DLEC1: variants seen among roughly 807,000 people sequenced by gnomAD.
DLEC1 encodes the protein deleted in lung and esophageal cancer protein 1.
Under a neutral mutation model 198.1 loss-of-function variants are expected in DLEC1, and 146 were observed. The ratio of observed to expected loss-of-function variants is 0.74; its 90% CI spans 0.64 to 0.85. The LOEUF is 0.85. Ranked by LOEUF, DLEC1 falls within the 40% of genes least tolerant of loss-of-function variation. The probability of loss-of-function intolerance (pLI) is 0.00; values close to 1 mark genes in which losing one functional copy is unlikely to be tolerated. For missense variants in DLEC1, 2,233 were observed against 2,220.0 expected (o/e 1.01, Z -0.12); for synonymous variants, 897 against 866.8 (o/e 1.03, Z -0.61).
At chr3:38,065,592 G>C (rs1696986550) in intron 6 of DLEC1, among the ~76,000 whole-genome samples, 3 of 152,140 alleles carry the variant, frequency 2.0e-5, no homozygotes, top group Non-Finnish European at 4.4e-5. Flanking sequence ...GTATGTGCTG[G>C]AGTCATAGAA....
intron 2 of DLEC1, among the ~76,000 whole-genome samples, chr3:38,055,491 G>C (rs1012838026): frequency 6.6e-6 from 1 of 152,220 alleles, no homozygotes; most frequent in Non-Finnish European, 1.5e-5. Flanking sequence ...TTCACCATCA[G>C]CTTAGAATCA....
rs1696765841 is a variant in DLEC1, at chr3:38,062,801, G to A, written c.1094G>A (p.Ser365Asn). The change falls in exon 5 of 37, where the codon AGT (serine) becomes AAT (asparagine). Residue 365 changes from serine to asparagine, a missense_variant and splice_region_variant. Physicochemically the swap from Ser to Asn is conservative, Grantham distance 46 (BLOSUM62 1). Coordinates refer to ENST00000308059, the MANE Select transcript of DLEC1 (RefSeq NM_007335.4). ...TTCCAGAGTACAGAGCCAGAACAGAGGTATGTCTTTCTCTGGCTTGAACTC... is the reference window on the plus strand; with the variant it reads ...TTCCAGAGTACAGAGCCAGAACAGAAGTATGTCTTTCTCTGGCTTGAACTC... Reference protein sequence around the residue: ...GEFQSTEPEQSCADTPVFLAK... With the variant: ...GEFQSTEPEQNCADTPVFLAK... 1 of 1,613,104 alleles carries A rather than the reference G, an allele frequency of 6.2e-7. No homozygotes were observed. The highest frequency in any genetic ancestry group is 1.3e-5 in the African/African-American group (1 of 74,814).
chr3:38,108,561 C>G, intron 21 of DLEC1, 46 bp downstream of exon 21: 1 of 1,489,322 alleles, frequency 6.7e-7, no homozygotes, highest in Non-Finnish European at 9.3e-7. Context: ...AGGCACCCTG[C>G]CAACCATACG....
intron 2 of DLEC1, among the ~76,000 whole-genome samples, chr3:38,052,715 C>T (rs1370965719): frequency 6.6e-6 from 1 of 152,202 alleles, no homozygotes; most frequent in Non-Finnish European, 1.5e-5. Context: ...CAAAGCTCCC[C>T]TGAGATGTGT....
In DLEC1 at chr3:38,096,590, G is replaced by A. The variant is rs770844783; in HGVS notation, c.2193G>A (p.Gly731=). Residue 731 remains glycine, a synonymous_variant, in exon 15 of 37, where the codon GGG becomes GGA. Coordinates refer to ENST00000308059, the MANE Select transcript of DLEC1 (RefSeq NM_007335.4). ...EPVSSEAESL[G]HSSYSVDDVI... The stretch of plus-strand genomic sequence containing the variant: ...TTAGTTCAGAAGCGGAGAGCCTGGG[G>A]CACTCCTCCTACTCTGTGGATGATG... 10 of 1,611,856 alleles carry A rather than the reference G, an allele frequency of 6.2e-6. No individual in the cohort carries two copies. The South Asian group carries it at 9.9e-5, about 16-fold the overall frequency.
intron 5 of DLEC1, among the ~76,000 whole-genome samples, chr3:38,063,458 T>A (rs1696805819): frequency 6.6e-6 from 1 of 151,366 alleles, no homozygotes; most frequent in Non-Finnish European, 1.5e-5. Context: ...AGTGAGACCC[T>A]GTCAAAAAGA....
At chr3:38,074,280 C>T (rs995014032) in intron 6 of DLEC1, among the ~76,000 whole-genome samples, 3 of 152,238 alleles carry the variant, frequency 2.0e-5, no homozygotes, top group Admixed American at 6.5e-5. Context: ...TGCTTCCTCT[C>T]TATTATTGTA....
At chr3:38,117,501 C>A in intron 31 of DLEC1, 26 bp from the exon 32 acceptor site, 1 of 1,613,984 alleles carries the variant, frequency 6.2e-7, no homozygotes, top group Non-Finnish European at 8.5e-7. Context: ...GCCCGGCTTG[C>A]CCCAACAATG....
intron 2 of DLEC1, among the ~76,000 whole-genome samples, chr3:38,057,737 A>C (rs917747746): frequency 4.6e-5 from 7 of 151,882 alleles, no homozygotes; most frequent in Non-Finnish European, 1.0e-4. Flanking sequence ...ATTGGAGATG[A>C]TCTTTCTAGA....
chr3:38,072,993 G>A (rs1697406740), intron 6 of DLEC1, among the ~76,000 whole-genome samples: 2 of 152,170 alleles, frequency 1.3e-5, no homozygotes, highest in African/African-American at 2.4e-5. Context: ...TAAATCACGA[G>A]AAAGAGCTTG....
At chr3:38,088,614 CTG>C (rs1203304188) in intron 10 of DLEC1, among the ~76,000 whole-genome samples, 4 of 152,144 alleles carry the variant, frequency 2.6e-5, no homozygotes, top group African/African-American at 9.7e-5. Context: ...CATCACAAAC[CTG>C]AGCCTTGCTA....
Position 38,062,163 on chromosome 3 carries a change from C to T in DLEC1, c.674-6C>T. On this transcript the variant is annotated splice_region_variant and splice_polypyrimidine_tract_variant and intron_variant, in intron 3 of 36. Coordinates refer to ENST00000308059, the MANE Select transcript of DLEC1 (RefSeq NM_007335.4). ...AGTGATTCAGTTTGTTTCCTTGATG[C>T]TGTAGGCATCTCCCTACCTGGATGT... 1 of 1,614,150 alleles carries T rather than the reference C, an allele frequency of 6.2e-7. No homozygotes were observed. The highest frequency in any genetic ancestry group is 1.3e-5 in the African/African-American group (1 of 75,068).
chr3:38,095,193 C>CTGGCCTGGG, intron 13 of DLEC1, 122 bp downstream of exon 13: 1 of 1,259,614 alleles, frequency 7.9e-7, no homozygotes, highest in Non-Finnish European at 1.1e-6. Context: ...CCTGCCCAGG[C>CTGGCCTGGG]CAGCACTTGG....
chr3:38,089,263 C>T (rs978353736), intron 10 of DLEC1, among the ~76,000 whole-genome samples: 2 of 152,228 alleles, frequency 1.3e-5, no homozygotes, highest in African/African-American at 4.8e-5. Flanking sequence ...AAGGCCCTAT[C>T]CCTGAGGTTC....
At chr3:38,048,485 C>G (rs1436332621) in intron 2 of DLEC1, among the ~76,000 whole-genome samples, 1 of 152,220 alleles carries the variant, frequency 6.6e-6, no homozygotes, top group African/African-American at 2.4e-5. Flanking sequence ...CCTACTAGGG[C>G]CCAGATGCTA....
rs1267297898 is a variant in DLEC1, at chr3:38,122,713, G to C, written c.*301G>C. 1.4e-6 allele frequency: 2 copies of C among 1,381,606 alleles called. No homozygotes were observed. The highest frequency in any genetic ancestry group is 1.9e-6 in the Non-Finnish European group (2 of 1,059,326). 85.6% of individuals were successfully genotyped at this position (1,381,606 alleles called of 1,614,324 possible). On this transcript the variant is annotated 3_prime_UTR_variant, in exon 37 of 37. Coordinates refer to ENST00000308059, the MANE Select transcript of DLEC1 (RefSeq NM_007335.4). Reference sequence around the variant, plus strand: ...CTTGGAAAAAAACCACAGCCACTAAGATAAATTCATGCACTTTTACTATGC... The same window carrying C: ...CTTGGAAAAAAACCACAGCCACTAACATAAATTCATGCACTTTTACTATGC...
At chr3:38,044,127 A>T (rs909665100) in intron 1 of DLEC1, among the ~76,000 whole-genome samples, 1 of 152,094 alleles carries the variant, frequency 6.6e-6, no homozygotes, top group African/African-American at 2.4e-5. Flanking sequence ...TATGCCTGTA[A>T]TCCCAGCTAC....
chr3:38,113,585 G>C (rs1450213574), intron 25 of DLEC1, among the ~76,000 whole-genome samples: 2 of 151,978 alleles, frequency 1.3e-5, no homozygotes, highest in Non-Finnish European at 2.9e-5. Flanking sequence ...CAGCTATTCA[G>C]GAGGCTGAGG....
At chr3:38,096,078 A>G (rs1699002084) in intron 14 of DLEC1, 132 bp downstream of exon 14, 1 of 1,084,726 alleles carries the variant, frequency 9.2e-7, no homozygotes, top group Non-Finnish European at 1.3e-6. Flanking sequence ...GAGTGAGAGC[A>G]TTTTTTTTGC....
Sources: allele counts gnomAD v4.1 joint callset (sites outside exome capture counted in the v4.1 genomes callset), GRCh38; gene constraint gnomAD v4.1.1; transcripts MANE v1.5; gene names NCBI Gene and HGNC (gene_info 2026-07-23, HGNC 2026-07-21).